Variants in METTL25 observed in about 807,000 individuals in gnomAD.
The protein encoded by METTL25 is probable methyltransferase-like protein 25.
Under a neutral mutation model 71.6 loss-of-function variants are expected in METTL25, and 64 were observed. The observed-to-expected ratio is 0.89, with a 90% CI of 0.73 to 1.10. The LOEUF (loss-of-function observed/expected upper bound fraction) is 1.10, where lower values mean the gene tolerates loss of function less well. METTL25 is among the 50% of genes least tolerant of loss of function. The pLI is 0.00. For synonymous variants in METTL25, 287 were observed against 250.3 expected, an observed-to-expected ratio of 1.15 and a Z score of -1.38; for missense variants, 807 against 707.0, an observed-to-expected ratio of 1.14 and a Z score of -1.60.
chr12:82,429,109 T>A (rs1451018545), intron 5 of METTL25, among the ~76,000 whole-genome samples: 1 of 151,764 alleles, frequency 6.6e-6, no homozygotes, highest in Non-Finnish European at 1.5e-5. Context: ...TATAGCTACC[T>A]TGCTGTGCTA....
chr12:82,403,096 C>A lies in METTL25; in HGVS notation c.1245C>A (p.His415Gln). Reference sequence around the variant, plus strand: ...TTTGCAGTGTGGGTTGTTGCTACCACCTCTTATCTGAAGAATTTGAAAACC... The same window carrying A: ...TTTGCAGTGTGGGTTGTTGCTACCAACTCTTATCTGAAGAATTTGAAAACC... ...KGVCSVGCCYHLLSEEFENQH... is the reference protein window; with the variant it reads ...KGVCSVGCCYQLLSEEFENQH... Residue 415 changes from histidine (H) to glutamine (Q), a missense_variant, in exon 5 of 12, where the codon CAC becomes CAA. Physicochemically the swap from His to Gln is conservative, Grantham distance 24. Transcript: ENST00000248306. 1.2e-6 allele frequency: 2 copies of A among 1,612,648 alleles called. No individual in the cohort carries two copies. The highest frequency in any genetic ancestry group is 3.3e-5 in the Admixed American group (2 of 59,806).
intron 3 of METTL25, among the ~76,000 whole-genome samples, chr12:82,395,928 T>A (rs1422324646): frequency 6.6e-6 from 1 of 152,124 alleles, no homozygotes; most frequent in Middle Eastern, 3.2e-3. Context: ...ATATGGTATC[T>A]GCAGTTAGAC....
At chr12:82,468,237 T>C (rs1892357772) in intron 9 of METTL25, among the ~76,000 whole-genome samples, 1 of 152,148 alleles carries the variant, frequency 6.6e-6, no homozygotes, top group Non-Finnish European at 1.5e-5. Flanking sequence ...TGGTCAAATC[T>C]ACCAAAAAGA....
chr12:82,432,935 A>G (rs1044705435), intron 6 of METTL25, among the ~76,000 whole-genome samples: 3 of 151,418 alleles, frequency 2.0e-5, no homozygotes, highest in African/African-American at 7.3e-5. Context: ...AGTTAAGGAT[A>G]CTAACCAGAC....
chr12:82,434,567 C>A, intron 6 of METTL25, 128 bp from the exon 7 acceptor site: 1 of 726,330 alleles, frequency 1.4e-6, no homozygotes, highest in Non-Finnish European at 2.4e-6. Flanking sequence ...CTGTTAAGTG[C>A]ATAAACTTAC....
intron 9 of METTL25, among the ~76,000 whole-genome samples, chr12:82,472,218 TA>T (rs1892611162): frequency 6.6e-6 from 1 of 152,192 alleles, no homozygotes; most frequent in Non-Finnish European, 1.5e-5. Flanking sequence ...TGTGAGTACA[TA>T]AAAGTGTGAG....
In METTL25 at chr12:82,479,045, T is replaced by A; in HGVS notation, c.*21T>A. On this transcript the variant is annotated 3_prime_UTR_variant, in exon 12 of 12. Transcript: ENST00000248306. ...AGTGATTTCCATTGAAGCAAATTAT[T>A]AGATGTATTTCTCTATGAGACCTGT... 1.3e-6 allele frequency: 2 copies of A among 1,598,172 alleles called. No homozygotes were observed. Among genetic ancestry groups the A allele is most frequent in the South Asian group, 2.2e-5 (2 of 90,596 alleles).
chr12:82,401,659 CTT>C (rs1443701568), intron 4 of METTL25, among the ~76,000 whole-genome samples: 1 of 151,892 alleles, frequency 6.6e-6, no homozygotes, highest in African/African-American at 2.4e-5. Context: ...ACACATGTAT[CTT>C]TAATATTTAC....
intron 5 of METTL25, among the ~76,000 whole-genome samples, chr12:82,427,560 T>C (rs573899655): frequency 1.6e-4 from 24 of 152,012 alleles, no homozygotes; most frequent in Non-Finnish European, 2.6e-4. Context: ...AGAGTAACTA[T>C]ATCCCACTGG....
chr12:82,448,787 C>T (rs1741016831), intron 8 of METTL25, among the ~76,000 whole-genome samples: 1 of 144,770 alleles, frequency 6.9e-6, no homozygotes, highest in Non-Finnish European at 1.5e-5. Flanking sequence ...TTTGGAGCTC[C>T]CTTAAATGAT....
At chr12:82,478,855 C>T in intron 11 of METTL25, 77 bp from the exon 12 acceptor site, 1 of 1,093,014 alleles carries the variant, frequency 9.1e-7, no homozygotes, top group Non-Finnish European at 1.4e-6. Flanking sequence ...TTTTATATTA[C>T]AATATATAAT....
intron 8 of METTL25, among the ~76,000 whole-genome samples, chr12:82,443,758 CAG>C (rs1182326856): frequency 2.0e-5 from 3 of 152,046 alleles, no homozygotes; most frequent in African/African-American, 2.4e-5. Flanking sequence ...GGAAGCAAAA[CAG>C]AGGGGAGGTG....
intron 9 of METTL25, chr12:82,468,383 C>T (rs1892369036): frequency 6.6e-6 from 1 of 152,234 alleles, no homozygotes; most frequent in African/African-American, 2.4e-5. Context: ...GAAGGGTCAG[C>T]TAAGGACAAG....
intron 5 of METTL25, among the ~76,000 whole-genome samples, chr12:82,419,202 A>T (rs999692061): frequency 2.4e-4 from 37 of 151,230 alleles, no homozygotes; most frequent in Admixed American, 3.3e-4. Context: ...TATTCTGGAT[A>T]AAAAAAAATG....
At chr12:82,419,062 G>A (rs1166578034) in intron 5 of METTL25, among the ~76,000 whole-genome samples, 1 of 152,140 alleles carries the variant, frequency 6.6e-6, no homozygotes. Context: ...AAAACAAATT[G>A]TCAAGATAAT....
rs768610536 is a variant in METTL25, at chr12:82,358,716, G to A, written c.151G>A (p.Val51Ile). ...CACAGAATCCGTGTGGGAGGAGCTG[G>A]TCGACTTGCCACCGGAGACAGTGCT... ...FYTESVWEEL[V>I]DLPPETVLAA... is the part of the protein sequence containing the mutation. The change falls in exon 1 of 12, where the codon GTC becomes ATC. Residue 51 changes from valine to isoleucine, a missense_variant. Val to Ile is a conservative substitution (Grantham distance 29). Coordinates refer to ENST00000248306, the MANE Select transcript of METTL25 (RefSeq NM_032230.3). The A allele has an allele frequency of 1.2e-6, 2 of 1,614,072 alleles. No individual in the cohort carries two copies. Among genetic ancestry groups the A allele is most frequent in the Non-Finnish European group, 1.7e-6 (2 of 1,180,054 alleles).
rs1167045635 is a variant in METTL25, at chr12:82,476,679, G to A, written c.1608G>A (p.Lys536=). The change falls in exon 10 of 12, where the codon AAG becomes AAA. Residue 536 remains lysine (K), a synonymous_variant. Coordinates refer to ENST00000248306, the MANE Select transcript of METTL25 (RefSeq NM_032230.3). ...PEKIIMNYYE[K]YKPRMNELEA... is the part of the protein sequence containing the mutation. ...AAATTATAATGAACTACTACGAGAA[G>A]TATAAGCCTCGAATGAATGAGCTGG... The A allele has an allele frequency of 1.2e-6, 2 of 1,600,696 alleles. No homozygotes were observed. Among genetic ancestry groups the A allele is most frequent in the African/African-American group, 2.7e-5 (2 of 74,168 alleles).
At chr12:82,379,508 G>A (rs1884214812) in intron 1 of METTL25, among the ~76,000 whole-genome samples, 1 of 58,398 alleles carries the variant, frequency 1.7e-5, no homozygotes, top group African/African-American at 5.0e-5. Context: ...GGATTTCTGG[G>A]AATTTAGTAT....
At chr12:82,404,373 A>G (rs1226939154) in intron 5 of METTL25, among the ~76,000 whole-genome samples, 1 of 152,148 alleles carries the variant, frequency 6.6e-6, no homozygotes, top group Non-Finnish European at 1.5e-5. Flanking sequence ...AGAAAAAAAA[A>G]GTATTTCTAC....
Sources: gnomAD v4.1 joint callset for allele counts (sites outside exome capture counted in the v4.1 genomes callset) on GRCh38, gnomAD v4.1.1 for gene constraint, MANE v1.5 for transcripts, NCBI Gene and HGNC (gene_info 2026-07-23, HGNC 2026-07-21) for gene names.